NIPBL: variants seen among roughly 807,000 people sequenced by gnomAD.
The protein encoded by NIPBL is nipped-B-like protein.
In NIPBL, 19 loss-of-function variants were observed where a neutral mutation model predicts 321.8. That is an observed-to-expected ratio of 0.06 (90% CI 0.04 to 0.09). The LOEUF is 0.09. NIPBL is among the 10% of genes least tolerant of loss of function. The pLI is 1.00. For synonymous variants in NIPBL, 1,106 were observed against 1,114.1 expected (o/e 0.99, Z 0.14); for missense variants, 2,210 against 3,327.0 (o/e 0.66, Z 8.26).
At chr5:36,961,814 T>C (rs1476848437) in intron 5 of NIPBL, among the ~76,000 whole-genome samples, 1 of 152,200 alleles carries the variant, frequency 6.6e-6, no homozygotes, top group East Asian at 1.9e-4. Flanking sequence ...AGACAAAAAA[T>C]GTTAAAATAA....
chr5:36,970,298 A>G (rs1322024456), intron 6 of NIPBL, among the ~76,000 whole-genome samples: 1 of 151,928 alleles, frequency 6.6e-6, no homozygotes, highest in Non-Finnish European at 1.5e-5. Flanking sequence ...AGGCAAGAGG[A>G]TCACTTGAAC....
At chr5:36,900,823 G>A (rs909821456) in intron 1 of NIPBL, among the ~76,000 whole-genome samples, 2 of 152,046 alleles carry the variant, frequency 1.3e-5, no homozygotes, top group Non-Finnish European at 2.9e-5. Context: ...ATACCGCTTG[G>A]CAGGGGACCT....
chr5:37,041,452 A>G (rs1335018834), intron 34 of NIPBL, among the ~76,000 whole-genome samples: 1 of 150,538 alleles, frequency 6.6e-6, no homozygotes, highest in African/African-American at 2.4e-5. Context: ...TTTAGTAGAG[A>G]CGGGGTTTCA....
chr5:37,032,243 A>C (rs1291609067), intron 32 of NIPBL, among the ~76,000 whole-genome samples: 3 of 152,222 alleles, frequency 2.0e-5, no homozygotes, highest in Non-Finnish European at 4.4e-5. Context: ...GCAAATGTAC[A>C]CTAAAAATTT....
At chr5:37,018,311 C>T (rs933440401) in intron 24 of NIPBL, among the ~76,000 whole-genome samples, 2 of 152,164 alleles carry the variant, frequency 1.3e-5, no homozygotes, top group African/African-American at 2.4e-5. Context: ...ACAATATTAA[C>T]ATCTGATGTA....
At position 37,038,702 on chromosome 5, in the gene NIPBL, A is replaced by G. The variant is rs745516748; in HGVS notation, c.6072A>G (p.Ala2024=). 6.2e-7 allele frequency: 1 copy of G among 1,613,790 alleles called. No homozygotes were observed. Among genetic ancestry groups the G allele is most frequent in the Non-Finnish European group, 8.5e-7 (1 of 1,179,882 alleles). The change falls in exon 34 of 47, where the codon GCA becomes GCG. Residue 2024 remains alanine, a synonymous_variant. Coordinates refer to ENST00000282516, the MANE Select transcript of NIPBL (RefSeq NM_133433.4). ...KIRPQLMVKH[A]MTMQPYLTTK... is the part of the protein sequence containing the mutation. ...GACCCCAGCTCATGGTTAAACATGC[A>G]ATGACTATGCAACCATACCTTACCA...
chr5:36,896,630 C>G (rs185619479), intron 1 of NIPBL, among the ~76,000 whole-genome samples: 1 of 152,110 alleles, frequency 6.6e-6, no homozygotes, highest in African/African-American at 2.4e-5. Flanking sequence ...GACAAACTCT[C>G]GCTATATGGC....
intron 9 of NIPBL, among the ~76,000 whole-genome samples, chr5:36,981,526 A>G (rs1744137410): frequency 6.6e-6 from 1 of 151,740 alleles, no homozygotes; most frequent in Admixed American, 6.6e-5. Context: ...ATAATATTCC[A>G]AAAGGACCCT....
chr5:36,897,760 A>C (rs1043684212), intron 1 of NIPBL, among the ~76,000 whole-genome samples: 1 of 152,160 alleles, frequency 6.6e-6, no homozygotes, highest in Non-Finnish European at 1.5e-5. Flanking sequence ...AAATAAATAA[A>C]TGCCTGCTAA....
At chr5:37,049,780 G>A (rs990791775) in intron 40 of NIPBL, among the ~76,000 whole-genome samples, 7 of 152,238 alleles carry the variant, frequency 4.6e-5, no homozygotes, top group East Asian at 1.9e-4. Context: ...ACACAACGAC[G>A]TAATAAAGAC....
At chr5:37,052,270 AC>A (rs1753642040) in intron 41 of NIPBL, 95 bp from the exon 42 acceptor site, 5 of 953,064 alleles carry the variant, frequency 5.2e-6, no homozygotes, top group Admixed American at 2.0e-5. Context: ...TTAAAAAAAA[AC>A]AATGAAGCTA....
intron 1 of NIPBL, among the ~76,000 whole-genome samples, chr5:36,944,836 G>A (rs188151726): frequency 6.6e-6 from 1 of 152,048 alleles, no homozygotes; most frequent in East Asian, 1.9e-4. Context: ...TCACATAAAA[G>A]CCTTTTCCTT....
intron 1 of NIPBL, among the ~76,000 whole-genome samples, chr5:36,930,535 T>C (rs1749700163): frequency 6.6e-6 from 1 of 152,108 alleles, no homozygotes; most frequent in Non-Finnish European, 1.5e-5. Flanking sequence ...ATGCATTTAA[T>C]ATCTTTTTAA....
chr5:36,962,235 C>T lies in NIPBL; in HGVS notation c.571C>T (p.His191Tyr). The change falls in exon 6 of 47, where the codon CAT (histidine) becomes TAT (tyrosine). Residue 191 changes from histidine to tyrosine, a missense_variant. Physicochemically the swap from His to Tyr is moderately conservative, Grantham distance 83 (BLOSUM62 2). Coordinates refer to ENST00000282516, the MANE Select transcript of NIPBL (RefSeq NM_133433.4). ...QSPAGYMPYSHPSSYTTHPQM... is the reference protein window; with the variant it reads ...QSPAGYMPYSYPSSYTTHPQM... ...CCCTGCAGGATACATGCCATATTCC[C>T]ATCCTTCAAGTTACACAACACATCC... The T allele has an allele frequency of 6.2e-7, 1 of 1,614,070 alleles. No homozygotes were observed. Among genetic ancestry groups the T allele is most frequent in the Non-Finnish European group, 8.5e-7 (1 of 1,179,952 alleles).
intron 1 of NIPBL, among the ~76,000 whole-genome samples, chr5:36,939,817 ACCC>A (rs1738866251): frequency 6.6e-6 from 1 of 152,102 alleles, no homozygotes; most frequent in Non-Finnish European, 1.5e-5. Context: ...TTTATCAGGA[ACCC>A]ACTCCTGAGA....
intron 8 of NIPBL, among the ~76,000 whole-genome samples, chr5:36,972,610 G>T (rs1013510071): frequency 6.6e-6 from 1 of 152,058 alleles, no homozygotes; most frequent in Non-Finnish European, 1.5e-5. Context: ...TGTCTCCCAA[G>T]TTCTAATTCT....
chr5:36,907,508 G>A (rs941246291), intron 1 of NIPBL, among the ~76,000 whole-genome samples: 1 of 152,146 alleles, frequency 6.6e-6, no homozygotes, highest in Non-Finnish European at 1.5e-5. Context: ...AGGAACTAAA[G>A]TTATAGCTTC....
intron 24 of NIPBL, among the ~76,000 whole-genome samples, chr5:37,019,098 A>G (rs930257874): frequency 1.5e-4 from 23 of 152,170 alleles, no homozygotes; most frequent in Admixed American, 5.9e-4. Context: ...GTGAAACTCC[A>G]TCTCAAAAAA....
intron 42 of NIPBL, among the ~76,000 whole-genome samples, chr5:37,053,205 A>G (rs550859289): frequency 6.6e-6 from 1 of 152,316 alleles, no homozygotes; most frequent in South Asian, 2.1e-4. Context: ...TACCTAGGCT[A>G]TATTGTTCCT....
Sources: gnomAD v4.1 joint callset for allele counts (sites outside exome capture counted in the v4.1 genomes callset) on GRCh38, gnomAD v4.1.1 for gene constraint, MANE v1.5 for transcripts, NCBI Gene and HGNC (gene_info 2026-07-23, HGNC 2026-07-21) for gene names.